Variants in NPFFR2 observed in about 807,000 individuals in gnomAD.
NPFFR2 encodes neuropeptide FF receptor 2.
A neutral mutation model predicts 13.1 loss-of-function variants in NPFFR2; 15 were observed. The ratio of observed to expected loss-of-function variants is 1.15; its 90% CI spans 0.77 to 1.76. The LOEUF is 1.76. NPFFR2 is among the 40% of genes most tolerant of loss of function. The pLI is 0.00. For synonymous variants in NPFFR2, 190 were observed against 175.7 expected (o/e 1.08, Z -0.65); for missense variants, 572 against 503.5 (o/e 1.14, Z -1.30).
chr4:72,062,054 CTG>C (rs1242334895), intron 1 of NPFFR2, among the ~76,000 whole-genome samples: 1 of 146,604 alleles, frequency 6.8e-6, no homozygotes, highest in Non-Finnish European at 1.5e-5. Context: ...ATTGCATAAT[CTG>C]TTTGGAACTC....
At chr4:72,125,164 CAT>C (rs1281990000) in intron 1 of NPFFR2, among the ~76,000 whole-genome samples, 2 of 152,096 alleles carry the variant, frequency 1.3e-5, no homozygotes, top group African/African-American at 4.8e-5. Flanking sequence ...GGCTAACAAA[CAT>C]ATGGAAAAAA....
chr4:72,077,828 C>T lies in NPFFR2; in HGVS notation c.-8+45628C>T, dbSNP rs1720490026. Among the ~76,000 whole-genome samples the T allele has an allele frequency of 2.0e-5, 3 of 152,098 alleles. No homozygotes were observed. The South Asian group carries it at 6.2e-4, about 32-fold the overall frequency. ...TCACACATTTTAGCTATTAGAAAGC[C>T]AGCATGAAGCGACGTGTTTTTGTAA... On this transcript the variant is annotated intron_variant, in intron 1 of 3. Coordinates refer to ENST00000308744, the MANE Select transcript of NPFFR2 (RefSeq NM_004885.3).
intron 1 of NPFFR2, among the ~76,000 whole-genome samples, chr4:72,047,103 A>C (rs773537218): frequency 6.6e-6 from 1 of 152,020 alleles, no homozygotes; most frequent in Non-Finnish European, 1.5e-5. Flanking sequence ...GGATGACTTC[A>C]ATAAAGATTG....
At position 72,124,083 on chromosome 4, in the gene NPFFR2, A is replaced by G. The variant is rs1294646843; in HGVS notation, c.-7-4502A>G. Among the ~76,000 whole-genome samples, 4 of 152,246 alleles carry G rather than the reference A, an allele frequency of 2.6e-5. No individual in the cohort carries two copies. In the East Asian group the frequency reaches 7.7e-4, roughly 29 times the overall value. ...CAGCAAAGTCTCAGGATACCAAATC[A>G]ATGTGCAAAAATCACAAACATTCCT... On this transcript the variant is annotated intron_variant, in intron 1 of 3. Transcript: ENST00000308744.
intron 1 of NPFFR2, among the ~76,000 whole-genome samples, chr4:72,089,937 A>G (rs1156412823): frequency 6.6e-6 from 1 of 152,128 alleles, no homozygotes; most frequent in Non-Finnish European, 1.5e-5. Flanking sequence ...GTTATCTTCT[A>G]GAATTTTTAT....
At chr4:72,076,611 T>G (rs1227418082) in intron 1 of NPFFR2, among the ~76,000 whole-genome samples, 5 of 152,138 alleles carry the variant, frequency 3.3e-5, no homozygotes, top group Admixed American at 2.6e-4. Context: ...GCCAAACTGC[T>G]GTGTGTGGAA....
intron 1 of NPFFR2, among the ~76,000 whole-genome samples, chr4:72,105,573 A>C (rs1275470621): frequency 1.3e-5 from 2 of 152,078 alleles, no homozygotes; most frequent in Non-Finnish European, 2.9e-5. Context: ...TCACCTTAAT[A>C]CAAAAAGGAG....
chr4:72,085,929 C>T (rs1720758509), intron 1 of NPFFR2, among the ~76,000 whole-genome samples: 1 of 152,168 alleles, frequency 6.6e-6, no homozygotes. Context: ...GGAGGGAAAA[C>T]ATGGATTTCT....
chr4:72,103,888 C>G (rs1721330185), intron 1 of NPFFR2, among the ~76,000 whole-genome samples: 1 of 151,904 alleles, frequency 6.6e-6, no homozygotes, highest in African/African-American at 2.4e-5. Flanking sequence ...TTATAAATAA[C>G]AAGTGTTGAT....
intron 1 of NPFFR2, among the ~76,000 whole-genome samples, chr4:72,090,361 T>C (rs1438019253): frequency 6.6e-6 from 1 of 151,948 alleles, no homozygotes; most frequent in African/African-American, 2.4e-5. Context: ...TCTGTGAAGA[T>C]TGATGATGGT....
intron 1 of NPFFR2, among the ~76,000 whole-genome samples, chr4:72,084,920 C>G (rs924806977): frequency 6.6e-6 from 1 of 152,132 alleles, no homozygotes; most frequent in Non-Finnish European, 1.5e-5. Context: ...TGTTCACTCA[C>G]TCTTGCTTCC....
chr4:72,147,787 A>G lies in NPFFR2; in HGVS notation c.1238A>G (p.Glu413Gly). ...QQELVMEELKETTNSSEI is the reference protein window; with the variant it reads ...QQELVMEELKGTTNSSEI Reference sequence around the variant, plus strand: ...GAATTAGTGATGGAAGAATTAAAAGAAACTACTAACAGCAGTGAGATTTAA... The same window carrying G: ...GAATTAGTGATGGAAGAATTAAAAGGAACTACTAACAGCAGTGAGATTTAA... Residue 413 changes from glutamate (E) to glycine (G), a missense_variant, in exon 4 of 4, where the codon GAA becomes GGA. Physicochemically the swap from Glu to Gly is moderately conservative, Grantham distance 98 (BLOSUM62 -2). Transcript: ENST00000308744. 6.3e-7 allele frequency: 1 copy of G among 1,582,654 alleles called. No homozygotes were observed. The highest frequency in any genetic ancestry group is 8.5e-7 in the Non-Finnish European group (1 of 1,171,132).
At chr4:72,033,345 C>A (rs113527993) in intron 1 of NPFFR2, among the ~76,000 whole-genome samples, 1 of 152,000 alleles carries the variant, frequency 6.6e-6, no homozygotes, top group Non-Finnish European at 1.5e-5. Flanking sequence ...TTCTATAGAT[C>A]GATCATTTAA....
At chr4:72,040,913 A>T (rs1335979964) in intron 1 of NPFFR2, among the ~76,000 whole-genome samples, 2 of 130,180 alleles carry the variant, frequency 1.5e-5, no homozygotes, top group Non-Finnish European at 3.3e-5. Context: ...GCTACATTTT[A>T]GTCACTGCTG....
chr4:72,092,873 C>G (rs146949869), intron 1 of NPFFR2, among the ~76,000 whole-genome samples: 2 of 152,122 alleles, frequency 1.3e-5, no homozygotes, highest in African/African-American at 4.8e-5. Flanking sequence ...CTAGTCAATT[C>G]ATTGTGCCAT....
chr4:72,104,094 G>T (rs1029159937), intron 1 of NPFFR2, among the ~76,000 whole-genome samples: 1 of 151,998 alleles, frequency 6.6e-6, no homozygotes, highest in African/African-American at 2.4e-5. Flanking sequence ...GGAGGCAAAT[G>T]GCAAGGTTCA....
At chr4:72,113,055 A>T (rs1721611684) in intron 1 of NPFFR2, among the ~76,000 whole-genome samples, 3 of 152,024 alleles carry the variant, frequency 2.0e-5, no homozygotes, top group African/African-American at 7.2e-5. Flanking sequence ...ACATTTGAAA[A>T]TTTACACAGA....
At chr4:72,145,781 G>A (rs1699800042) in intron 3 of NPFFR2, among the ~76,000 whole-genome samples, 1 of 152,112 alleles carries the variant, frequency 6.6e-6, no homozygotes, top group South Asian at 2.1e-4. Context: ...TACAGATCTG[G>A]AATGTAACAA....
chr4:72,147,574 G>T lies in NPFFR2; in HGVS notation c.1025G>T (p.Arg342Leu). ...IYGFFNENFR[R>L]GFQEAFQLQL... ...GGTTTCTTCAACGAGAATTTCCGCCGTGGTTTCCAAGAAGCTTTCCAGCTC... is the reference window on the plus strand; with the variant it reads ...GGTTTCTTCAACGAGAATTTCCGCCTTGGTTTCCAAGAAGCTTTCCAGCTC... Residue 342 changes from arginine (R) to leucine (L), a missense_variant, in exon 4 of 4, where the codon CGT becomes CTT. Physicochemically the swap from Arg to Leu is moderately radical, Grantham distance 102 (BLOSUM62 -2). Transcript: ENST00000308744. 6.2e-7 allele frequency: 1 copy of T among 1,614,152 alleles called. No individual in the cohort carries two copies.
Sources: gnomAD v4.1 joint callset for allele counts (sites outside exome capture counted in the v4.1 genomes callset) on GRCh38, gnomAD v4.1.1 for gene constraint, MANE v1.5 for transcripts, NCBI Gene and HGNC (gene_info 2026-07-23, HGNC 2026-07-21) for gene names.